The following RIN2 variants were observed in gnomAD, a reference collection of about 807,000 sequenced individuals.
RIN2 encodes the protein Ras and Rab interactor 2.
RIN2 carries 36 observed loss-of-function variants against 78.0 expected under a neutral mutation model. That is an observed-to-expected ratio of 0.46 (90% CI 0.35 to 0.61). The LOEUF (loss-of-function observed/expected upper bound fraction) is 0.61, where lower values mean the gene tolerates loss of function less well. Among genes scored for constraint, RIN2 ranks in the 20% least tolerant of loss-of-function variants. RIN2 has a pLI of 0.00. For missense variants in RIN2, 1,087 were observed against 1,159.7 expected, an observed-to-expected ratio of 0.94 and a Z score of 0.91; for synonymous variants, 466 against 466.8, an observed-to-expected ratio of 1.00 and a Z score of 0.02.
chr20:19,915,215 G>A (rs144639943), intron 3 of RIN2, among the ~76,000 whole-genome samples: 185 of 152,280 alleles, frequency 1.2e-3, no homozygotes, highest in Admixed American at 2.8e-3. Context: ...GGGAGAGTAG[G>A]GGAGTGAGAC....
At chr20:19,918,534 A>G (rs896830479) in intron 3 of RIN2, among the ~76,000 whole-genome samples, 2 of 152,200 alleles carry the variant, frequency 1.3e-5, no homozygotes, top group East Asian at 1.9e-4. Context: ...CCACTTTTGC[A>G]TATCTACCTT....
rs372906499 is a variant in RIN2, at chr20:19,996,440, C to T, written c.2201-239C>T. Reference sequence around the variant, plus strand: ...CCTTGTCAGCCTGGCTTGTCTGTGCCCCCTTGGCCCCTCCCAGGCCTGGGT... The same window carrying T: ...CCTTGTCAGCCTGGCTTGTCTGTGCTCCCTTGGCCCCTCCCAGGCCTGGGT... On this transcript the variant is annotated intron_variant, in intron 11 of 12. Transcript: ENST00000255006. 4.4e-3 allele frequency among the ~76,000 whole-genome samples: 670 copies of T among 152,290 alleles called. 11 individuals are homozygous for T. In the South Asian group the frequency reaches 0.058, roughly 13 times the overall value.
chr20:19,831,790 G>C (rs1231623689), intron 2 of RIN2, among the ~76,000 whole-genome samples: 1 of 152,094 alleles, frequency 6.6e-6, no homozygotes, highest in Non-Finnish European at 1.5e-5. Context: ...TATTGTAGTA[G>C]ATACAATAAA....
chr20:19,865,618 G>A (rs2037482947), intron 2 of RIN2, among the ~76,000 whole-genome samples: 1 of 150,632 alleles, frequency 6.6e-6, no homozygotes, highest in African/African-American at 2.4e-5. Context: ...CTCTCAAAAA[G>A]CTAAAACTAT....
At chr20:19,886,612 CTT>C (rs11362637) in intron 2 of RIN2, 52,735 of 506,436 alleles carry the variant, frequency 0.1, 1 homozygote, top group East Asian at 0.12. Context: ...TCTTCTTCTT[CTT>C]TTTTTTTTTT....
Position 19,918,354 on chromosome 20 carries a change from TGTGTGTG to T in RIN2, c.58-16744_58-16738del, listed in dbSNP as rs1385628073. On this transcript the variant is annotated intron_variant, in intron 3 of 12. Coordinates refer to ENST00000255006, the MANE Select transcript of RIN2 (RefSeq NM_018993.4). ...AAACGTGACTCTCATACAAATACATTGTGTGTGTGTGTGTGTGTGTGTGTGTGTGTGT... is the reference window on the plus strand; with the variant it reads ...AAACGTGACTCTCATACAAATACATTTGTGTGTGTGTGTGTGTGTGTGTGT... Among the ~76,000 whole-genome samples, 82 of 14,242 alleles carry T rather than the reference TGTGTGTG, an allele frequency of 5.8e-3. No individual in the cohort carries two copies. The African/African-American group carries it at 0.15, about 25-fold the overall frequency. The allele number at this position is 14,242 out of a possible 152,430, so 9.3% of individuals were successfully genotyped here.
chr20:19,966,777 C>G (rs2041952903), intron 7 of RIN2, among the ~76,000 whole-genome samples: 2 of 152,176 alleles, frequency 1.3e-5, no homozygotes, highest in African/African-American at 4.8e-5. Context: ...GGGACTAGTA[C>G]CTGGGGGCAC....
At chr20:19,976,742 C>T (rs1349661885) in intron 9 of RIN2, among the ~76,000 whole-genome samples, 3 of 152,112 alleles carry the variant, frequency 2.0e-5, no homozygotes, top group East Asian at 1.9e-4. Flanking sequence ...CATTTCCAGG[C>T]GGTTCAGAAG....
chr20:19,996,628 C>A, intron 11 of RIN2, 51 bp from the exon 12 acceptor site: 1 of 1,591,864 alleles, frequency 6.3e-7, no homozygotes, highest in East Asian at 2.2e-5. Context: ...CTGTTATCAC[C>A]CGTGAGCGGA....
chr20:19,829,391 A>G (rs1015123871), intron 2 of RIN2, among the ~76,000 whole-genome samples: 10 of 152,018 alleles, frequency 6.6e-5, no homozygotes, highest in African/African-American at 2.4e-4. Flanking sequence ...TATATGAAGG[A>G]CCCTCTGTAA....
intron 7 of RIN2, among the ~76,000 whole-genome samples, chr20:19,966,527 T>C (rs1600977374): frequency 6.6e-6 from 1 of 152,140 alleles, no homozygotes; most frequent in South Asian, 2.1e-4. Flanking sequence ...TTTTACCACG[T>C]TGGCCAGGCT....
chr20:19,790,023 C>T lies in RIN2; in HGVS notation c.-162-9599C>T, dbSNP rs140909588. The stretch of plus-strand genomic sequence containing the variant: ...TATTTCATTTCTAGCTACTTCTTGA[C>T]GGGCCCTAATTTTATCACGTTTTTA... On this transcript the variant is annotated intron_variant, in intron 1 of 12. Coordinates refer to ENST00000255006, the MANE Select transcript of RIN2 (RefSeq NM_018993.4). Among the ~76,000 whole-genome samples the T allele has an allele frequency of 5.0e-3, 754 of 152,226 alleles. 3 individuals are homozygous for T. The highest frequency in any genetic ancestry group is 0.017 in the African/African-American group (726 of 41,514).
At chr20:19,804,323 T>C (rs1249014679) in intron 2 of RIN2, among the ~76,000 whole-genome samples, 2 of 152,236 alleles carry the variant, frequency 1.3e-5, no homozygotes, top group Non-Finnish European at 2.9e-5. Context: ...AGTGTGATAT[T>C]AACTGTAGGT....
intron 9 of RIN2, among the ~76,000 whole-genome samples, chr20:19,977,194 G>A (rs1056950035): frequency 5.9e-5 from 9 of 152,108 alleles, no homozygotes; most frequent in African/African-American, 9.7e-5. Context: ...TGGGGTCAGA[G>A]GGGGGTGCAG....
At chr20:19,907,752 C>G (rs2039278780) in intron 3 of RIN2, among the ~76,000 whole-genome samples, 1 of 152,196 alleles carries the variant, frequency 6.6e-6, no homozygotes, top group Non-Finnish European at 1.5e-5. Context: ...CCAATATTCC[C>G]TTTAATGCAT....
At chr20:19,779,404 G>A (rs2034421319) in intron 1 of RIN2, among the ~76,000 whole-genome samples, 1 of 152,192 alleles carries the variant, frequency 6.6e-6, no homozygotes, top group African/African-American at 2.4e-5. Context: ...GCCCTGGGCT[G>A]GGCATCCCAG....
chr20:19,788,450 C>CAAAAAAAAAAAAA (rs908072671), intron 1 of RIN2, among the ~76,000 whole-genome samples: 20 of 103,498 alleles, frequency 1.9e-4, no homozygotes, highest in African/African-American at 1.2e-3. Context: ...AAAAAAAAAA[C>CAAAAAAAAAAAAA]AACTAGCTAG....
At chr20:19,886,902 G>A (rs764680159) in intron 2 of RIN2, 3 of 577,962 alleles carry the variant, frequency 5.2e-6, no homozygotes, top group South Asian at 5.4e-5. Flanking sequence ...GTTTTAAATG[G>A]TATTAAATTG....
chr20:19,785,275 T>TAC (rs11471757), intron 1 of RIN2, among the ~76,000 whole-genome samples: 17,735 of 142,936 alleles, frequency 0.12, 1,055 homozygotes, highest in African/African-American at 0.16. Context: ...CCCCTCTACA[T>TAC]ACACACACAC....
Sources: allele counts gnomAD v4.1 joint callset (sites outside exome capture counted in the v4.1 genomes callset), GRCh38; gene constraint gnomAD v4.1.1; transcripts MANE v1.5; gene names NCBI Gene and HGNC (gene_info 2026-07-23, HGNC 2026-07-21).